Variants in CREBRF observed in about 807,000 individuals in gnomAD.
CREBRF encodes the protein CREB3 regulatory factor.
In CREBRF, 5 loss-of-function variants were observed where a neutral mutation model predicts 66.1. The observed-to-expected ratio is 0.08, with a 90% CI of 0.04 to 0.16. The LOEUF (loss-of-function observed/expected upper bound fraction) is 0.16. Among genes scored for constraint, CREBRF ranks in the 10% least tolerant of loss-of-function variants. CREBRF has a pLI of 1.00. For synonymous variants in CREBRF, 229 were observed against 264.4 expected, an observed-to-expected ratio of 0.87 and a Z score of 1.30; for missense variants, 531 against 744.9, an observed-to-expected ratio of 0.71 and a Z score of 3.34.
rs1488956529 is a variant in CREBRF at position 173,137,808 on chromosome 5, T to C, written c.*4063T>C. On this transcript the variant is annotated 3_prime_UTR_variant, in exon 9 of 9. Transcript: ENST00000296953. ...TCTTTATTCCACACATTTAAAAAAA[T>C]TTAGCTGCTAAGATTTAATGTTATA... 1 of 152,062 alleles carries C rather than the reference T, an allele frequency of 6.6e-6. No individual in the cohort carries two copies. Among genetic ancestry groups the C allele is most frequent in the Non-Finnish European group, 1.5e-5 (1 of 67,966 alleles). 9.4% of individuals were successfully genotyped at this position (152,062 alleles called of 1,614,324 possible). A position where few individuals can be genotyped will look rare whatever the true frequency, so the allele number is the denominator to read the frequency against.
rs547074101 is a variant in CREBRF at position 173,090,086 on chromosome 5, C to T, written c.136-229C>T. On this transcript the variant is annotated intron_variant, in intron 3 of 8. Coordinates refer to ENST00000296953, the MANE Select transcript of CREBRF (RefSeq NM_153607.3). This position sits in a 1 kb window ranked among gnomAD's most constrained non-coding sequence, Gnocchi z 4.5. ...TGAGCCTCTCAAGGGACACACTTTC[C>T]GTCTTTTTTAAATTTAATTTTTAAT... is the stretch of plus-strand genomic sequence containing the variant. Among the ~76,000 whole-genome samples, 4 of 152,132 alleles carry T rather than the reference C, an allele frequency of 2.6e-5. No homozygotes were observed. The highest frequency in any genetic ancestry group is 1.9e-4 in the East Asian group (1 of 5,180).
At chr5:173,102,260 T>A (rs1758646302) in intron 4 of CREBRF, among the ~76,000 whole-genome samples, 1 of 152,240 alleles carries the variant, frequency 6.6e-6, no homozygotes, top group South Asian at 2.1e-4. Flanking sequence ...CTTCCTTTGC[T>A]AGTGTCATTT....
intron 8 of CREBRF, among the ~76,000 whole-genome samples, chr5:173,128,327 A>AT (rs1402432336): frequency 6.6e-6 from 1 of 151,822 alleles, no homozygotes; most frequent in African/African-American, 2.4e-5. Context: ...ATTTATTGAG[A>AT]TTTTCTTGGC....
intron 8 of CREBRF, among the ~76,000 whole-genome samples, chr5:173,124,747 C>G (rs1215074294): frequency 1.3e-5 from 2 of 151,756 alleles, no homozygotes; most frequent in Non-Finnish European, 2.9e-5. Context: ...TGTGTTCTTT[C>G]AATATGTACT....
intron 7 of CREBRF, among the ~76,000 whole-genome samples, chr5:173,114,286 G>C (rs1041773173): frequency 4.0e-5 from 6 of 151,798 alleles, no homozygotes; most frequent in Non-Finnish European, 7.4e-5. Flanking sequence ...GAAACATTTT[G>C]GCCTTGAGCT....
In CREBRF at chr5:173,123,141, A is replaced by C. The variant is rs370226219; in HGVS notation, c.1743A>C (p.Pro581=). The C allele has an allele frequency of 6.2e-7, 1 of 1,606,782 alleles. No individual in the cohort carries two copies. Among genetic ancestry groups the C allele is most frequent in the South Asian group, 1.1e-5 (1 of 89,604 alleles). Residue 581 remains proline, a synonymous_variant, in exon 8 of 9, where the codon CCA becomes CCC. Transcript: ENST00000296953. ...AGATTGTAAACCGGGTACAGAATCC[A>C]AGAGATGAGAGAGGACCCAACATGG... ...KQEIVNRVQN[P]RDERGPNMGQ...
rs150749546 is a variant in CREBRF at position 173,058,169 on chromosome 5, A to G, written c.-192+1690A>G. ...CCAAAATAGGATATACACCAGAGGC[A>G]GGGAAAAATGGTATGAATAATTCGA... On this transcript the variant is annotated intron_variant, in intron 1 of 8. Transcript: ENST00000296953. 2.1e-4 allele frequency among the ~76,000 whole-genome samples: 32 copies of G among 152,326 alleles called. No individual in the cohort carries two copies. The East Asian group carries it at 5.6e-3, about 27-fold the overall frequency.
chr5:173,068,327 T>G lies in CREBRF; in HGVS notation c.-192+11848T>G, dbSNP rs150924670. 2.9e-3 allele frequency among the ~76,000 whole-genome samples: 437 copies of G among 152,356 alleles called. 1 individual carries two copies. Among genetic ancestry groups the G allele is most frequent in the African/African-American group, 9.7e-3 (403 of 41,588 alleles). On this transcript the variant is annotated intron_variant, in intron 1 of 8. Transcript: ENST00000296953. ...AATAATCTGCCTCACTTGTTTGATT[T>G]ATCTCAACACTTTTGAGACAAGTAT...
chr5:173,108,048 T>C (rs915792053), intron 4 of CREBRF, among the ~76,000 whole-genome samples: 1 of 150,318 alleles, frequency 6.7e-6, no homozygotes, highest in Non-Finnish European at 1.5e-5. Flanking sequence ...GCCAGGTTGG[T>C]CTCAAACTCC....
rs138790135 is a variant in CREBRF at position 173,132,002 on chromosome 5, T to A, written c.1805-1628T>A. Among the ~76,000 whole-genome samples the A allele has an allele frequency of 1.8e-3, 278 of 151,872 alleles. 2 individuals carry two copies. The highest frequency in any genetic ancestry group is 6.6e-3 in the African/African-American group (274 of 41,364). ...ACTTCGGCCTCCTAAAGTGCTGAGATGACAGGCCTGAGCCACCATGCCCGG... is the reference window on the plus strand; with the variant it reads ...ACTTCGGCCTCCTAAAGTGCTGAGAAGACAGGCCTGAGCCACCATGCCCGG... On this transcript the variant is annotated intron_variant, in intron 8 of 8. Coordinates refer to ENST00000296953, the MANE Select transcript of CREBRF (RefSeq NM_153607.3).
At chr5:173,119,174 T>C (rs1028070804) in intron 7 of CREBRF, among the ~76,000 whole-genome samples, 2 of 152,260 alleles carry the variant, frequency 1.3e-5, no homozygotes, top group Non-Finnish European at 2.9e-5. Flanking sequence ...TTTGCATGTC[T>C]ATATAGATTT....
Position 173,116,352 on chromosome 5 carries a change from A to G in CREBRF, c.1681+3973A>G, listed in dbSNP as rs188456225. On this transcript the variant is annotated intron_variant, in intron 7 of 8. Coordinates refer to ENST00000296953, the MANE Select transcript of CREBRF (RefSeq NM_153607.3). ...GATAATGAATATTTCCATTACCTCC[A>G]AAAGATTCCTAGTGCCCCTTTGTAA... 1.3e-4 allele frequency among the ~76,000 whole-genome samples: 20 copies of G among 152,370 alleles called. No individual in the cohort carries two copies. The East Asian group carries it at 3.1e-3, about 23-fold the overall frequency.
intron 1 of CREBRF, among the ~76,000 whole-genome samples, chr5:173,061,463 A>G (rs968652601): frequency 4.6e-5 from 7 of 152,214 alleles, no homozygotes; most frequent in Non-Finnish European, 1.0e-4. Flanking sequence ...AGCTGTTTAA[A>G]GCAAATATTG....
intron 2 of CREBRF, among the ~76,000 whole-genome samples, chr5:173,083,095 G>T (rs1454576808): frequency 6.6e-6 from 1 of 151,868 alleles, no homozygotes; most frequent in African/African-American, 2.4e-5. Flanking sequence ...GGACGTGGTG[G>T]TGCCTGCCTG....
intron 4 of CREBRF, among the ~76,000 whole-genome samples, chr5:173,096,434 T>TCCCTC (rs1443235766): frequency 0.01 from 769 of 74,826 alleles, 13 homozygotes; most frequent in South Asian, 0.051. Flanking sequence ...TCCCTTCCCT[T>TCCCTC]CCCTCCCCTC....
At chr5:173,075,781 C>G (rs1215542325) in intron 1 of CREBRF, among the ~76,000 whole-genome samples, 7 of 152,058 alleles carry the variant, frequency 4.6e-5, no homozygotes, top group African/African-American at 1.7e-4. Context: ...GTCCACACCC[C>G]TTCCTTCCCC....
In CREBRF at chr5:173,087,335, G is replaced by A. The variant is rs992386218; in HGVS notation, c.135+709G>A. 2.6e-5 allele frequency among the ~76,000 whole-genome samples: 4 copies of A among 151,964 alleles called. 1 individual carries two copies. The highest frequency in any genetic ancestry group is 2.0e-4 in the Admixed American group (3 of 15,264). On this transcript the variant is annotated intron_variant, in intron 3 of 8. Transcript: ENST00000296953. ...CGACCTCAGGTGATCTGCCCGCCTC[G>A]GCTTCCCAAAATGCTGGGATTACAG...
At chr5:173,128,630 G>A (rs986375841) in intron 8 of CREBRF, among the ~76,000 whole-genome samples, 1 of 151,758 alleles carries the variant, frequency 6.6e-6, no homozygotes, top group Admixed American at 6.6e-5. Flanking sequence ...TTATCATCAC[G>A]AAGTACACTT....
chr5:173,061,245 C>T (rs1012878890), intron 1 of CREBRF, among the ~76,000 whole-genome samples: 1 of 152,296 alleles, frequency 6.6e-6, no homozygotes. Flanking sequence ...GGATTACAGG[C>T]GTGAACCACC....
Sources: gnomAD v4.1 joint callset for allele counts (sites outside exome capture counted in the v4.1 genomes callset) on GRCh38, gnomAD v4.1.1 for gene constraint, Gnocchi (gnomAD v3.1) non-coding constraint, MANE v1.5 for transcripts, NCBI Gene and HGNC (gene_info 2026-07-23, HGNC 2026-07-21) for gene names.